The following TXNDC11 variants were observed in gnomAD, a reference collection of about 807,000 sequenced individuals.
TXNDC11 encodes thioredoxin domain containing 11, also known as thioredoxin domain-containing protein 11.
TXNDC11 carries 68 observed loss-of-function variants against 78.0 expected under a neutral mutation model. That is an observed-to-expected ratio of 0.87 (90% confidence interval 0.72 to 1.07). TXNDC11 has a LOEUF of 1.07. Ranked by LOEUF, TXNDC11 falls within the 50% of genes least tolerant of loss-of-function variation. The pLI, the probability that TXNDC11 is intolerant of heterozygous loss-of-function variation, is 0.00. For missense variants in TXNDC11, 1,389 were observed against 1,221.8 expected, an observed-to-expected ratio of 1.14 and a Z score of -2.04; for synonymous variants, 571 against 495.2, an observed-to-expected ratio of 1.15 and a Z score of -2.03.
At chr16:11,692,442 G>T (rs2050746966) in intron 7 of TXNDC11, among the ~76,000 whole-genome samples, 1 of 152,060 alleles carries the variant, frequency 6.6e-6, no homozygotes, top group Non-Finnish European at 1.5e-5. Context: ...CCCCCAAAGT[G>T]TAAGGATAGT....
chr16:11,705,370 G>T (rs1245459670), intron 5 of TXNDC11, among the ~76,000 whole-genome samples: 1 of 152,174 alleles, frequency 6.6e-6, no homozygotes, highest in Non-Finnish European at 1.5e-5. Flanking sequence ...TGTTTAAAGG[G>T]CATGGCATAT....
At chr16:11,712,804 A>C (rs1567326978) in intron 5 of TXNDC11, among the ~76,000 whole-genome samples, 1 of 151,740 alleles carries the variant, frequency 6.6e-6, no homozygotes, top group Admixed American at 6.6e-5. Flanking sequence ...AAAATAGAAA[A>C]ATTTGGCCAG....
intron 1 of TXNDC11, among the ~76,000 whole-genome samples, chr16:11,741,031 A>T (rs2052375195): frequency 6.6e-6 from 1 of 152,086 alleles, no homozygotes; most frequent in Admixed American, 6.6e-5. Context: ...GGATGCTGCT[A>T]GACATCCTAC....
intron 1 of TXNDC11, among the ~76,000 whole-genome samples, chr16:11,740,119 G>A (rs1597508327): frequency 1.3e-5 from 2 of 150,138 alleles, no homozygotes; most frequent in South Asian, 4.2e-4. Flanking sequence ...CTTGATCCCA[G>A]GAGGCAGAGG....
At chr16:11,687,695 A>G (rs1043675799) in intron 10 of TXNDC11, among the ~76,000 whole-genome samples, 162 bp downstream of exon 10, 2 of 152,272 alleles carry the variant, frequency 1.3e-5, no homozygotes, top group Non-Finnish European at 2.9e-5. Flanking sequence ...GTTCAGTTTC[A>G]AAGAGGCTTT....
At chr16:11,692,972 C>T (rs2050761774) in intron 7 of TXNDC11, among the ~76,000 whole-genome samples, 1 of 152,192 alleles carries the variant, frequency 6.6e-6, no homozygotes, top group Admixed American at 6.6e-5. Context: ...GCTAGTCCTA[C>T]TCCCACTCCA....
At position 11,692,082 on chromosome 16, in the gene TXNDC11, T is replaced by C; in HGVS notation, c.1108A>G (p.Ile370Val). The change falls in exon 8 of 12, where the codon ATC becomes GTC. Residue 370 changes from isoleucine (I) to valine (V), a missense_variant and splice_region_variant. Physicochemically the swap from Ile to Val is conservative, Grantham distance 29 (BLOSUM62 3). Coordinates refer to ENST00000283033, the MANE Select transcript of TXNDC11 (RefSeq NM_015914.7). ...LAESHPLIDE[I>V]TEVALEYNNC... ...TTGTACTCCAAGGCCACTTCGGTGA[T>C]CTGAAATACAGGGCAGAGTTGGTGA... 1 of 1,521,392 alleles carries C rather than the reference T, an allele frequency of 6.6e-7. No homozygotes were observed. Among genetic ancestry groups the C allele is most frequent in the Non-Finnish European group, 8.8e-7 (1 of 1,135,620 alleles). The allele number at this position is 1,521,392 out of a possible 1,614,324, so 94.2% of individuals were successfully genotyped here.
chr16:11,684,057 G>A, intron 11 of TXNDC11, 108 bp downstream of exon 11: 3 of 790,034 alleles, frequency 3.8e-6, no homozygotes, highest in Non-Finnish European at 6.3e-6. Context: ...GGTTCCTAAG[G>A]GAACATTTTT....
At chr16:11,741,020 G>A (rs2052375061) in intron 1 of TXNDC11, among the ~76,000 whole-genome samples, 1 of 152,030 alleles carries the variant, frequency 6.6e-6, no homozygotes, top group Non-Finnish European at 1.5e-5. Flanking sequence ...GTAGAGGCCG[G>A]GGATGCTGCT....
At chr16:11,713,597 G>A (rs1271318324) in intron 5 of TXNDC11, among the ~76,000 whole-genome samples, 3 of 151,996 alleles carry the variant, frequency 2.0e-5, no homozygotes, top group Non-Finnish European at 2.9e-5. Context: ...TGTATTTTTA[G>A]TAAACACCGG....
chr16:11,682,225 C>CT (rs1364065679), intron 11 of TXNDC11, among the ~76,000 whole-genome samples: 3 of 152,350 alleles, frequency 2.0e-5, no homozygotes, highest in Admixed American at 6.5e-5. Context: ...CAAACACTCG[C>CT]TTGGGACCAG....
chr16:11,742,596 C>G lies in TXNDC11; in HGVS notation c.135G>C (p.Ala45=). The part of the protein sequence containing the change: ...SSPTLATASS[A]GRLRRGLRGA... ...CACGCAGCCCGCGACGGAGCCGGCCCGCCGAGGACGCTGTGGCCAGGGTCG... is the reference window on the plus strand; with the variant it reads ...CACGCAGCCCGCGACGGAGCCGGCCGGCCGAGGACGCTGTGGCCAGGGTCG... The change falls in exon 1 of 12, where the codon GCG becomes GCC. Residue 45 remains alanine, a synonymous_variant. Coordinates refer to ENST00000283033, the MANE Select transcript of TXNDC11 (RefSeq NM_015914.7). 1.4e-6 allele frequency: 2 copies of G among 1,457,490 alleles called. No homozygotes were observed. Among genetic ancestry groups the G allele is most frequent in the East Asian group, 3.0e-5 (1 of 33,180 alleles). The allele number at this position is 1,457,490 out of a possible 1,614,324, so 90.3% of individuals were successfully genotyped here. A position where few individuals can be genotyped will look rare whatever the true frequency, so the allele number is the denominator to read the frequency against.
intron 11 of TXNDC11, among the ~76,000 whole-genome samples, chr16:11,682,872 G>C (rs1331942719): frequency 6.6e-6 from 1 of 152,140 alleles, no homozygotes; most frequent in African/African-American, 2.4e-5. Context: ...AATTCTTTGA[G>C]ATACAAAGCA....
chr16:11,734,808 A>G (rs1357318470), intron 2 of TXNDC11, among the ~76,000 whole-genome samples: 1 of 152,230 alleles, frequency 6.6e-6, no homozygotes, highest in Non-Finnish European at 1.5e-5. Flanking sequence ...TCAGCTGCCT[A>G]CACACGTTAC....
chr16:11,698,922 G>A (rs748651264), intron 6 of TXNDC11, among the ~76,000 whole-genome samples: 49 of 152,308 alleles, frequency 3.2e-4, no homozygotes, highest in Non-Finnish European at 5.6e-4. Flanking sequence ...CATATTTTAC[G>A]TGTACGAATA....
intron 7 of TXNDC11, among the ~76,000 whole-genome samples, chr16:11,694,097 CTTTTTTTTTTTTTTTTTT>C (rs535913245): frequency 1.2e-5 from 1 of 85,690 alleles, no homozygotes; most frequent in East Asian, 3.3e-4. Context: ...TACAGCAATG[CTTTTTTTTTTTTTTTTTT>C]TTTTTTTTTT....
At chr16:11,719,830 G>A (rs927253233) in intron 5 of TXNDC11, among the ~76,000 whole-genome samples, 2 of 152,100 alleles carry the variant, frequency 1.3e-5, no homozygotes, top group African/African-American at 4.8e-5. Context: ...AAAACAACAG[G>A]GTACCCAAGT....
intron 7 of TXNDC11, among the ~76,000 whole-genome samples, chr16:11,692,809 A>T (rs771472080): frequency 1.3e-5 from 2 of 152,090 alleles, no homozygotes; most frequent in Non-Finnish European, 2.9e-5. Context: ...ACCTCCACAC[A>T]ATCTGGCCCG....
chr16:11,713,381 A>G (rs2051425878), intron 5 of TXNDC11, among the ~76,000 whole-genome samples: 1 of 152,066 alleles, frequency 6.6e-6, no homozygotes, highest in Non-Finnish European at 1.5e-5. Context: ...TGAATTAAAC[A>G]GTCAGTTTTA....
Sources: gnomAD v4.1 joint callset for allele counts (sites outside exome capture counted in the v4.1 genomes callset) on GRCh38, gnomAD v4.1.1 for gene constraint, MANE v1.5 for transcripts, NCBI Gene and HGNC (gene_info 2026-07-23, HGNC 2026-07-21) for gene names.